Variants in STT3A observed in about 807,000 individuals in gnomAD.
The protein encoded by STT3A is dolichyl-diphosphooligosaccharide--protein glycosyltransferase subunit STT3A.
Under a neutral mutation model 89.2 loss-of-function variants are expected in STT3A, and 34 were observed. The observed-to-expected ratio is 0.38, with a 90% CI of 0.29 to 0.51. STT3A has a LOEUF of 0.51. STT3A is among the 20% of genes least tolerant of loss of function. The probability of loss-of-function intolerance (pLI) is 0.89; values close to 1 mark genes in which losing one functional copy is unlikely to be tolerated. For synonymous variants in STT3A, 282 were observed against 310.3 expected (o/e 0.91, Z 0.96); for missense variants, 555 against 889.5 (o/e 0.62, Z 4.78).
Position 125,607,744 on chromosome 11 carries a change from TA to T in STT3A, c.781-364del, listed in dbSNP as rs1377217109. On this transcript the variant is annotated intron_variant, in intron 8 of 17. Transcript: ENST00000392708. ...AAGAGAACTAATGTGATATGGAACA[TA>T]GAGAGGAGTGATTGATTTCAGTTTG... Among the ~76,000 whole-genome samples the T allele has an allele frequency of 3.3e-5, 5 of 152,272 alleles. No individual in the cohort carries two copies. In the East Asian group the frequency reaches 9.6e-4, roughly 29 times the overall value.
chr11:125,620,683 C>T (rs1458677131), intron 17 of STT3A, 89 bp from the exon 18 acceptor site: 2 of 1,266,154 alleles, frequency 1.6e-6, no homozygotes, highest in Non-Finnish European at 1.1e-6. Flanking sequence ...CAACATAATC[C>T]TGCCCACTCT....
In STT3A at chr11:125,621,207, C is replaced by T. The variant is rs185621506; in HGVS notation, c.*397C>T. On this transcript the variant is annotated 3_prime_UTR_variant, in exon 18 of 18. Coordinates refer to ENST00000392708, the MANE Select transcript of STT3A (RefSeq NM_152713.5). ...AGACTTCTTTCTCAAATCAGGAAAACTATCAAAGACCAATTCAGATCCTAC... is the reference window on the plus strand; with the variant it reads ...AGACTTCTTTCTCAAATCAGGAAAATTATCAAAGACCAATTCAGATCCTAC... The T allele has an allele frequency of 6.1e-6, 1 of 164,996 alleles. No homozygotes were observed. Among genetic ancestry groups the T allele is most frequent in the Admixed American group, 6.2e-5 (1 of 16,188 alleles). The allele number at this position is 164,996 out of a possible 1,614,324, so 10.2% of individuals were successfully genotyped here.
At position 125,613,743 on chromosome 11, in the gene STT3A, C is replaced by A. The variant is rs1451436912; in HGVS notation, c.1555-344C>A. 1 of 186,072 alleles carries A rather than the reference C, an allele frequency of 5.4e-6. No individual in the cohort carries two copies. Among genetic ancestry groups the A allele is most frequent in the Admixed American group, 5.6e-5 (1 of 17,888 alleles). The allele number at this position is 186,072 out of a possible 1,614,324, so 11.5% of individuals were successfully genotyped here. A position where few individuals can be genotyped will look rare whatever the true frequency, so the allele number is the denominator to read the frequency against. On this transcript the variant is annotated intron_variant, in intron 13 of 17. Coordinates refer to ENST00000392708, the MANE Select transcript of STT3A (RefSeq NM_152713.5). The surrounding 1 kb of genome is among the most constrained non-coding windows in gnomAD (Gnocchi z 4.2). The stretch of plus-strand genomic sequence containing the variant: ...TTTATAGTAAGTGATTTTTGCAATT[C>A]TGTTAAAAGGTTATTTAAGAAAATT...
chr11:125,617,439 A>G (rs900203817), intron 15 of STT3A, among the ~76,000 whole-genome samples: 3 of 152,216 alleles, frequency 2.0e-5, no homozygotes, highest in Non-Finnish European at 2.9e-5. Context: ...CCACCGTGAT[A>G]TCCCCTCGAA....
chr11:125,611,568 G>A, intron 11 of STT3A, 49 bp downstream of exon 11: 1 of 1,539,070 alleles, frequency 6.5e-7, no homozygotes, highest in Non-Finnish European at 9.0e-7. Flanking sequence ...ACTCTGAGGT[G>A]CTTTTTTATC....
intron 2 of STT3A, 81 bp from the exon 3 acceptor site, chr11:125,596,978 T>C: frequency 6.9e-7 from 1 of 1,453,938 alleles, no homozygotes; most frequent in African/African-American, 1.4e-5. Context: ...TACTGGATAA[T>C]ACTGTCTTCA....
intron 1 of STT3A, among the ~76,000 whole-genome samples, chr11:125,595,461 T>TC (rs893381966): frequency 2.4e-4 from 37 of 152,106 alleles, no homozygotes; most frequent in African/African-American, 8.0e-4. Context: ...ATTTCCTGCT[T>TC]CCCCCCCTCC....
chr11:125,618,615 A>G, intron 16 of STT3A, 54 bp downstream of exon 16: 1 of 1,518,762 alleles, frequency 6.6e-7, no homozygotes, highest in East Asian at 2.3e-5. Flanking sequence ...GATTACTAAT[A>G]CACAGTATTT....
chr11:125,620,594 T>C (rs1940319128), intron 17 of STT3A, among the ~76,000 whole-genome samples, 178 bp from the exon 18 acceptor site: 2 of 152,132 alleles, frequency 1.3e-5, no homozygotes, highest in African/African-American at 4.8e-5. Context: ...CACAGAGGTA[T>C]TCCAAAAGGC....
At position 125,618,369 on chromosome 11, in the gene STT3A, C is replaced by A. The variant is rs1424141300; in HGVS notation, c.1775-4C>A. ...CAGCAGTTCTTTTTTTTTTTTTCTC[C>A]TAGATATCAACAAGTTTCTTTGGAT... On this transcript the variant is annotated splice_region_variant and splice_polypyrimidine_tract_variant and intron_variant, in intron 15 of 17. Coordinates refer to ENST00000392708, the MANE Select transcript of STT3A (RefSeq NM_152713.5). 1 of 1,558,264 alleles carries A rather than the reference C, an allele frequency of 6.4e-7. No individual in the cohort carries two copies. Among genetic ancestry groups the A allele is most frequent in the Non-Finnish European group, 8.6e-7 (1 of 1,156,908 alleles).
At chr11:125,610,761 CAT>C (rs1051938649) in intron 10 of STT3A, 1 of 151,658 alleles carries the variant, frequency 6.6e-6, no homozygotes, top group African/African-American at 2.4e-5. Context: ...CACACACACA[CAT>C]ACACACATAT....
intron 6 of STT3A, among the ~76,000 whole-genome samples, chr11:125,605,360 A>G (rs541941960): frequency 1.3e-5 from 2 of 152,314 alleles, no homozygotes; most frequent in Non-Finnish European, 2.9e-5. Context: ...GAATGATAAT[A>G]ATGGCCAATA....
At chr11:125,618,598 T>TC in intron 16 of STT3A, 37 bp downstream of exon 16, 4 of 1,583,650 alleles carry the variant, frequency 2.5e-6, no homozygotes, top group Non-Finnish European at 3.4e-6. Context: ...ACAGTAGTAA[T>TC]AATAGTGATT....
intron 16 of STT3A, 58 bp from the exon 17 acceptor site, chr11:125,619,953 G>A: frequency 7.1e-7 from 1 of 1,410,756 alleles, no homozygotes; most frequent in Admixed American, 1.8e-5. Context: ...TCCATATACT[G>A]TCTCTCTAGG....
In STT3A at chr11:125,595,741, G is replaced by C. The variant is rs143503519; in HGVS notation, c.-35-140G>C. 3.0e-3 allele frequency: 1,766 copies of C among 581,374 alleles called. 37 individuals are homozygous for C. The highest frequency in any genetic ancestry group is 0.028 in the South Asian group (1,289 of 46,230). 36.0% of individuals were successfully genotyped at this position (581,374 alleles called of 1,614,324 possible). On this transcript the variant is annotated intron_variant, in intron 1 of 17. Transcript: ENST00000392708. ...GTTGATCATACTTTAGGCCAGGCTTGGATACTAGTATTAGCCTTGACCCTG... is the reference window on the plus strand; with the variant it reads ...GTTGATCATACTTTAGGCCAGGCTTCGATACTAGTATTAGCCTTGACCCTG...
At chr11:125,599,782 G>A (rs1021891664) in intron 3 of STT3A, among the ~76,000 whole-genome samples, 2 of 149,568 alleles carry the variant, frequency 1.3e-5, no homozygotes, top group African/African-American at 4.9e-5. Flanking sequence ...CCAGGCTGGA[G>A]TGCAATGGCA....
chr11:125,592,850 CCAGGGTTGGGTGCGCCGCTGAA>C (rs1939354427), exon 1 of STT3A: 3 of 186,310 alleles, frequency 1.6e-5, no homozygotes, highest in South Asian at 2.2e-4. Flanking sequence ...CCGGCTCCTG[CCAGGGTTGGGTGCGCCGCTGAA>C]CGGATGGCTG....
rs1940349729 is a variant in STT3A, at chr11:125,621,556, A to C, written c.*746A>C. The C allele has an allele frequency of 6.6e-6, 1 of 152,212 alleles. No homozygotes were observed. Among genetic ancestry groups the C allele is most frequent in the Admixed American group, 6.5e-5 (1 of 15,280 alleles). The allele number at this position is 152,212 out of a possible 1,614,324, so 9.4% of individuals were successfully genotyped here. ...TTTTTGAATCAGCTTAAATATAATC[A>C]TACATATCAATTTGAAATGGAGCTT... On this transcript the variant is annotated 3_prime_UTR_variant, in exon 18 of 18. Coordinates refer to ENST00000392708, the MANE Select transcript of STT3A (RefSeq NM_152713.5).
At chr11:125,618,339 T>G in intron 15 of STT3A, 34 bp from the exon 16 acceptor site, 1 of 1,553,414 alleles carries the variant, frequency 6.4e-7, no homozygotes, top group Non-Finnish European at 8.7e-7. Context: ...GCAACTTTTG[T>G]GATGCAGCAG....
Sources: gnomAD v4.1 joint callset for allele counts (sites outside exome capture counted in the v4.1 genomes callset) on GRCh38, gnomAD v4.1.1 for gene constraint, Gnocchi (gnomAD v3.1) non-coding constraint, MANE v1.5 for transcripts, NCBI Gene and HGNC (gene_info 2026-07-23, HGNC 2026-07-21) for gene names.